The following DACH1 variants were observed in gnomAD, a reference collection of about 807,000 sequenced individuals.
DACH1 encodes dachshund homolog 1.
DACH1 carries 12 observed loss-of-function variants against 54.2 expected under a neutral mutation model. The observed-to-expected ratio is 0.22, with a 90% CI of 0.14 to 0.36. The LOEUF is 0.36. Among genes scored for constraint, DACH1 ranks in the 10% least tolerant of loss-of-function variants. The pLI, the probability that DACH1 is intolerant of heterozygous loss-of-function variation, is 1.00. For synonymous variants in DACH1, 386 were observed against 366.2 expected, an observed-to-expected ratio of 1.05 and a Z score of -0.62; for missense variants, 805 against 929.8, an observed-to-expected ratio of 0.87 and a Z score of 1.75.
intron 6 of DACH1, among the ~76,000 whole-genome samples, chr13:71,556,613 C>T (rs988488976): frequency 1.3e-5 from 2 of 151,928 alleles, no homozygotes; most frequent in Admixed American, 6.6e-5. Context: ...ATTTCTGTTT[C>T]CTTATTGGTC....
intron 10 of DACH1, among the ~76,000 whole-genome samples, chr13:71,473,759 C>G (rs1276682950): frequency 6.6e-6 from 1 of 152,122 alleles, no homozygotes; most frequent in Non-Finnish European, 1.5e-5. Flanking sequence ...TCACACTTAT[C>G]TATGGGCTCA....
chr13:71,594,176 A>C (rs1444455159), intron 3 of DACH1, among the ~76,000 whole-genome samples: 1 of 151,530 alleles, frequency 6.6e-6, no homozygotes, highest in Non-Finnish European at 1.5e-5. Context: ...AATATAAAAA[A>C]ATTTTTAGAA....
chr13:71,856,277 G>C (rs997173073), intron 1 of DACH1, among the ~76,000 whole-genome samples: 3 of 151,838 alleles, frequency 2.0e-5, no homozygotes, highest in African/African-American at 7.2e-5. Flanking sequence ...TTCTGTCCCT[G>C]GGGGTCTTTT....
intron 3 of DACH1, among the ~76,000 whole-genome samples, chr13:71,585,012 T>C (rs903031912): frequency 2.0e-5 from 3 of 152,278 alleles, no homozygotes; most frequent in Admixed American, 2.0e-4. Context: ...TATTTTTCTG[T>C]ATATATTTGA....
At chr13:71,842,701 T>C (rs1872958794) in intron 1 of DACH1, among the ~76,000 whole-genome samples, 1 of 151,686 alleles carries the variant, frequency 6.6e-6, no homozygotes, top group Non-Finnish European at 1.5e-5. Flanking sequence ...TTATGGGGAA[T>C]TGCTGGTGGA....
rs1464224263 is a variant in DACH1, at chr13:71,866,073, G to A, written c.697C>T (p.Leu233=). Residue 233 remains leucine (L), a synonymous_variant, in exon 1 of 11, where the codon CTG becomes TTG. Coordinates refer to ENST00000613252, the MANE Select transcript of DACH1 (RefSeq NM_080759.6). ...VGGLHTVYTK[L]KRLEITPVVC... Reference sequence around the variant, plus strand: ...ACCGGCGTGATCTCCAGCCGCTTCAGCTTGGTGTAGACCGTATGCAAGCCC... The same window carrying A: ...ACCGGCGTGATCTCCAGCCGCTTCAACTTGGTGTAGACCGTATGCAAGCCC... 3.7e-6 allele frequency: 6 copies of A among 1,613,896 alleles called. No individual in the cohort carries two copies. The highest frequency in any genetic ancestry group is 5.1e-6 in the Non-Finnish European group (6 of 1,179,994).
At chr13:71,776,742 T>G (rs1886082315) in intron 1 of DACH1, among the ~76,000 whole-genome samples, 1 of 152,174 alleles carries the variant, frequency 6.6e-6, no homozygotes, top group Admixed American at 6.6e-5. Context: ...ATTTAAATTT[T>G]ACTTACCCAG....
At chr13:71,623,394 A>G (rs544490366) in intron 3 of DACH1, among the ~76,000 whole-genome samples, 156 of 151,830 alleles carry the variant, frequency 1.0e-3, no homozygotes, top group African/African-American at 3.7e-3. Context: ...TTCCACAATA[A>G]CATAGCAATG....
chr13:71,604,380 T>C (rs1214963780), intron 3 of DACH1, among the ~76,000 whole-genome samples: 3 of 151,862 alleles, frequency 2.0e-5, no homozygotes, highest in African/African-American at 7.2e-5. Context: ...ATTTTTCAAC[T>C]TTCCACAGTG....
intron 6 of DACH1, among the ~76,000 whole-genome samples, chr13:71,517,693 A>T (rs1358249678): frequency 1.3e-5 from 2 of 151,828 alleles, no homozygotes; most frequent in Admixed American, 6.6e-5. Flanking sequence ...AACATACTCT[A>T]TATCTTGGCC....
intron 1 of DACH1, among the ~76,000 whole-genome samples, chr13:71,691,556 G>C (rs1881477270): frequency 1.3e-5 from 2 of 151,472 alleles, no homozygotes; most frequent in Non-Finnish European, 3.0e-5. Context: ...GCCAAGCCCT[G>C]AGCCCAGAAA....
intron 1 of DACH1, among the ~76,000 whole-genome samples, chr13:71,823,423 G>A (rs1215588758): frequency 3.3e-5 from 5 of 152,036 alleles, no homozygotes; most frequent in Non-Finnish European, 7.4e-5. Flanking sequence ...GCTATGAAAT[G>A]AAAGGCCTCA....
chr13:71,646,858 C>T (rs1051927015), intron 2 of DACH1, among the ~76,000 whole-genome samples: 1 of 152,092 alleles, frequency 6.6e-6, no homozygotes, highest in African/African-American at 2.4e-5. Flanking sequence ...AAGACAATTG[C>T]AATAAAATAT....
chr13:71,653,355 A>G (rs1878815709), intron 2 of DACH1, among the ~76,000 whole-genome samples: 1 of 152,228 alleles, frequency 6.6e-6, no homozygotes. Flanking sequence ...CCAAAAGAAC[A>G]ACAAAACAAT....
At chr13:71,726,915 G>T (rs906359836) in intron 1 of DACH1, among the ~76,000 whole-genome samples, 15 of 151,768 alleles carry the variant, frequency 9.9e-5, no homozygotes, top group African/African-American at 3.6e-4. Context: ...AAAAGTAATC[G>T]AATTTAGAGA....
chr13:71,629,868 T>A (rs1876955394), intron 3 of DACH1, among the ~76,000 whole-genome samples: 1 of 152,150 alleles, frequency 6.6e-6, no homozygotes, highest in South Asian at 2.1e-4. Flanking sequence ...TGCTAAGGAT[T>A]TCATTAATAC....
intron 6 of DACH1, among the ~76,000 whole-genome samples, chr13:71,496,270 T>TAC (rs1879409144): frequency 1.1e-5 from 1 of 89,448 alleles, no homozygotes; most frequent in Non-Finnish European, 2.2e-5. Context: ...TGTATATATA[T>TAC]ATATATATAT....
At chr13:71,833,995 TG>T (rs1349906115) in intron 1 of DACH1, among the ~76,000 whole-genome samples, 1 of 152,018 alleles carries the variant, frequency 6.6e-6, no homozygotes, top group South Asian at 2.1e-4. Flanking sequence ...GAAATGATGA[TG>T]AAAAAAATGT....
At chr13:71,763,106 C>T (rs747506360) in intron 1 of DACH1, among the ~76,000 whole-genome samples, 3 of 152,158 alleles carry the variant, frequency 2.0e-5, no homozygotes, top group Non-Finnish European at 1.5e-5. Context: ...GTATATATCA[C>T]CTTATTTAGT....
Sources: gnomAD v4.1 joint callset for allele counts (sites outside exome capture counted in the v4.1 genomes callset) on GRCh38, gnomAD v4.1.1 for gene constraint, MANE v1.5 for transcripts, NCBI Gene and HGNC (gene_info 2026-07-23, HGNC 2026-07-21) for gene names.